SORCS3: variants seen among roughly 807,000 people sequenced by gnomAD.
The protein encoded by SORCS3 is VPS10 domain-containing receptor SorCS3.
SORCS3 carries 57 observed loss-of-function variants against 146.3 expected under a neutral mutation model. That is an observed-to-expected ratio of 0.39 (90% CI 0.31 to 0.49). The LOEUF (loss-of-function observed/expected upper bound fraction) is 0.49, where lower values mean the gene tolerates loss of function less well. SORCS3 is among the 20% of genes least tolerant of loss of function. The probability of loss-of-function intolerance (pLI) is 0.92; values close to 1 mark genes in which losing one functional copy is unlikely to be tolerated. For synonymous variants in SORCS3, 653 were observed against 618.5 expected (o/e 1.06, Z -0.83); for missense variants, 1,341 against 1,575.5 (o/e 0.85, Z 2.52).
chr10:104,952,166 T>C (rs2019437986), intron 3 of SORCS3, among the ~76,000 whole-genome samples: 2 of 146,698 alleles, frequency 1.4e-5, no homozygotes, highest in Admixed American at 7.1e-5. Flanking sequence ...TCAGGCTCCT[T>C]CTAGATTTCC....
intron 4 of SORCS3, among the ~76,000 whole-genome samples, chr10:105,006,024 T>A (rs2055092997): frequency 6.6e-6 from 1 of 152,158 alleles, no homozygotes; most frequent in African/African-American, 2.4e-5. Context: ...GGCTCACAAC[T>A]TCCGTCCCTT....
At chr10:105,085,561 G>A (rs1278419895) in intron 5 of SORCS3, among the ~76,000 whole-genome samples, 4 of 152,192 alleles carry the variant, frequency 2.6e-5, no homozygotes, top group African/African-American at 4.8e-5. Context: ...GCCTTAGGAA[G>A]TTTACTGTCT....
chr10:104,981,626 C>A (rs2054931992), intron 4 of SORCS3, among the ~76,000 whole-genome samples: 1 of 152,108 alleles, frequency 6.6e-6, no homozygotes, highest in African/African-American at 2.4e-5. Flanking sequence ...GAAGACAGTG[C>A]AATCCTAGAA....
intron 13 of SORCS3, among the ~76,000 whole-genome samples, chr10:105,167,865 A>G (rs184282712): frequency 1.3e-5 from 2 of 152,290 alleles, no homozygotes; most frequent in African/African-American, 4.8e-5. Context: ...AGTGGGCTCA[A>G]TGCCTCAAGA....
rs2055400517 is a variant in SORCS3, at chr10:105,050,062, T to C, written c.1028+6934T>C. Among the ~76,000 whole-genome samples the C allele has an allele frequency of 2.0e-5, 3 of 149,048 alleles. No individual in the cohort carries two copies. In the South Asian group the frequency reaches 6.4e-4, roughly 32 times the overall value. On this transcript the variant is annotated intron_variant, in intron 5 of 26. Coordinates refer to ENST00000369701, the MANE Select transcript of SORCS3 (RefSeq NM_014978.3). ...ACACACACACACACACACACACACA[T>C]TTTGAACATCTTAAAACCTGTCATT...
At chr10:105,023,551 T>C (rs549753769) in intron 4 of SORCS3, among the ~76,000 whole-genome samples, 98 of 152,272 alleles carry the variant, frequency 6.4e-4, no homozygotes, top group Admixed American at 1.4e-3. Context: ...GTTTTTTTTG[T>C]TTTTTGCTTG....
chr10:105,016,447 C>T (rs993823778), intron 4 of SORCS3, among the ~76,000 whole-genome samples: 1 of 151,704 alleles, frequency 6.6e-6, no homozygotes, highest in African/African-American at 2.4e-5. Context: ...CTGTGCCTGG[C>T]CTTATAAATA....
At chr10:105,220,866 C>T (rs1389464965) in intron 19 of SORCS3, among the ~76,000 whole-genome samples, 2 of 151,986 alleles carry the variant, frequency 1.3e-5, no homozygotes, top group African/African-American at 4.8e-5. Context: ...CTTTTTACCT[C>T]ATGAACAAAC....
intron 2 of SORCS3, among the ~76,000 whole-genome samples, chr10:104,908,372 G>A (rs914159865): frequency 2.0e-5 from 3 of 152,154 alleles, no homozygotes; most frequent in Non-Finnish European, 4.4e-5. Flanking sequence ...AGAAAACAAG[G>A]TGATTTCCCT....
intron 7 of SORCS3, among the ~76,000 whole-genome samples, chr10:105,136,348 A>G (rs1178378783): frequency 7.9e-5 from 12 of 152,148 alleles, no homozygotes; most frequent in Non-Finnish European, 1.6e-4. Context: ...CCCTCTTATA[A>G]AGCACTGATC....
chr10:105,175,404 G>A (rs537657258), intron 13 of SORCS3, among the ~76,000 whole-genome samples: 4 of 152,028 alleles, frequency 2.6e-5, no homozygotes, highest in Non-Finnish European at 5.9e-5. Context: ...ACAGAGAGAG[G>A]CCTTAAATTC....
intron 14 of SORCS3, among the ~76,000 whole-genome samples, chr10:105,181,644 A>G (rs757419652): frequency 6.6e-6 from 1 of 152,138 alleles, no homozygotes; most frequent in Non-Finnish European, 1.5e-5. Flanking sequence ...TCTTTTTACT[A>G]CTGTCTTTTC....
chr10:104,641,900 C>G lies in SORCS3; in HGVS notation c.573C>G (p.Thr191=), dbSNP rs756207732. The G allele has an allele frequency of 1.9e-6, 3 of 1,595,228 alleles. No individual in the cohort carries two copies. The highest frequency in any genetic ancestry group is 3.4e-5 in the Admixed American group (2 of 59,104). Residue 191 remains threonine (T), a synonymous_variant, in exon 1 of 27, where the codon ACC becomes ACG. Coordinates refer to ENST00000369701, the MANE Select transcript of SORCS3 (RefSeq NM_014978.3). This position sits in a 1 kb window ranked among gnomAD's most constrained non-coding sequence, Gnocchi z 6.4. ...LRLPSTSFAL[T]GDSAHNQAMV... is the part of the protein sequence containing the mutation. ...TGCCCAGCACCTCCTTCGCGCTGAC[C>G]GGGGACTCGGCCCACAACCAAGCCA...
At position 104,697,423 on chromosome 10, in the gene SORCS3, A is replaced by G. The variant is rs78452100; in HGVS notation, c.627+55469A>G. Among the ~76,000 whole-genome samples the G allele has an allele frequency of 2.2e-4, 34 of 152,246 alleles. 1 individual carries two copies. In the East Asian group the frequency reaches 6.2e-3, roughly 28 times the overall value. ...ACTAGAGGCTGATTTTTCAGGAGAG[A>G]TTGGCTATCATGTAGATTTGGACGA... On this transcript the variant is annotated intron_variant, in intron 1 of 26. Transcript: ENST00000369701.
chr10:104,911,337 G>A (rs1025436275), intron 2 of SORCS3, among the ~76,000 whole-genome samples: 1 of 152,230 alleles, frequency 6.6e-6, no homozygotes, highest in South Asian at 2.1e-4. Context: ...ACCTGCCAGA[G>A]GCATGGAGGA....
chr10:104,752,217 G>A (rs1386512910), intron 1 of SORCS3, among the ~76,000 whole-genome samples: 1 of 151,366 alleles, frequency 6.6e-6, no homozygotes, highest in Non-Finnish European at 1.5e-5. Context: ...TGTATTTTTA[G>A]TAGAGATGGG....
chr10:105,247,078 T>A, intron 21 of SORCS3, 141 bp from the exon 22 acceptor site: 2 of 452,242 alleles, frequency 4.4e-6, no homozygotes, highest in Non-Finnish European at 3.9e-6. Flanking sequence ...GGAAACAAGC[T>A]GAGAACAAGG....
chr10:104,926,483 G>A (rs1041785929), intron 3 of SORCS3, among the ~76,000 whole-genome samples: 3 of 152,110 alleles, frequency 2.0e-5, no homozygotes, highest in Non-Finnish European at 2.9e-5. Context: ...CTGATTCCAC[G>A]TCCAAATGTT....
At chr10:104,808,382 G>A (rs2017703558) in intron 1 of SORCS3, among the ~76,000 whole-genome samples, 1 of 152,188 alleles carries the variant, frequency 6.6e-6, no homozygotes, top group Non-Finnish European at 1.5e-5. Context: ...TTAGTATAAT[G>A]TGTAATACAG....
Sources: gnomAD v4.1 joint callset for allele counts (sites outside exome capture counted in the v4.1 genomes callset) on GRCh38, gnomAD v4.1.1 for gene constraint, Gnocchi (gnomAD v3.1) non-coding constraint, MANE v1.5 for transcripts, NCBI Gene and HGNC (gene_info 2026-07-23, HGNC 2026-07-21) for gene names.